KIF25: variants seen among roughly 807,000 people sequenced by gnomAD.
KIF25 encodes kinesin family member 25.
In KIF25, 19 loss-of-function variants were observed where a neutral mutation model predicts 32.9. The observed-to-expected ratio is 0.58, with a 90% CI of 0.40 to 0.85. The LOEUF (loss-of-function observed/expected upper bound fraction) is 0.85, where lower values mean the gene tolerates loss of function less well. KIF25 is among the 40% of genes least tolerant of loss of function. The pLI, the probability that KIF25 is intolerant of heterozygous loss-of-function variation, is 0.00. For synonymous variants in KIF25, 225 were observed against 213.7 expected (o/e 1.05, Z -0.46); for missense variants, 485 against 507.0 (o/e 0.96, Z 0.42).
intron 10 of KIF25, among the ~76,000 whole-genome samples, 174 bp from the exon 11 acceptor site, chr6:168,041,795 C>T (rs4708629): frequency 0.58 from 87,603 of 152,080 alleles, 25,248 homozygotes; most frequent in Non-Finnish European, 0.61. Flanking sequence ...CTTGTGTTTT[C>T]CCCCAGAGAA....
Position 168,042,707 on chromosome 6 carries a change from G to T in KIF25, c.976G>T (p.Asp326Tyr). Residue 326 changes from aspartate (D) to tyrosine (Y), a missense_variant, in exon 12 of 13, where the codon GAC becomes TAC. Coordinates refer to ENST00000643607, the MANE Select transcript of KIF25 (RefSeq NM_030615.4). ...CAGCAGGCTCACCCACCTCCTTCAG[G>T]ACTGCCTCGGTAACCGTTTTCCCCA... ...RNSRLTHLLQ[D>Y]CLGGDAKLLV... 6.2e-7 allele frequency: 1 copy of T among 1,610,546 alleles called. No homozygotes were observed. The highest frequency in any genetic ancestry group is 8.5e-7 in the Non-Finnish European group (1 of 1,179,192).
In KIF25 at chr6:168,030,795, C is replaced by G. The variant is rs149411206; in HGVS notation, c.115C>G (p.Gln39Glu). The change falls in exon 7 of 13, where the codon CAG becomes GAG. Residue 39 changes from glutamine to glutamate, a missense_variant. By Grantham distance (29) the Gln-to-Glu change is conservative (BLOSUM62 2). Transcript: ENST00000643607. The stretch of plus-strand genomic sequence containing the variant: ...CAGGGTTTATGGTCCAGCAGAGTCT[C>G]AGAGCGCGGTCTTTGGAGATGTGTG... ...DLRVYGPAES[Q>E]SAVFGDVCPL... 6.2e-7 allele frequency: 1 copy of G among 1,613,162 alleles called. No homozygotes were observed. Among genetic ancestry groups the G allele is most frequent in the South Asian group, 1.1e-5 (1 of 90,906 alleles).
At position 168,038,610 on chromosome 6, in the gene KIF25, T is replaced by G. The variant is rs149429830; in HGVS notation, c.375T>G (p.Val125=). Residue 125 remains valine (V), a synonymous_variant, in exon 9 of 13, where the codon GTT becomes GTG. Transcript: ENST00000643607. ...SPKVEVSIVE[V]YNNDIFDLLA... ...AGGTTGAAGTCTCCATAGTGGAAGT[T>G]TACAATAATGACATTTTTGACCTTC... The G allele has an allele frequency of 2.5e-3, 4,014 of 1,614,142 alleles. 10 individuals carry two copies. The highest frequency in any genetic ancestry group is 2.8e-3 in the Non-Finnish European group (3,333 of 1,180,008).
intron 5 of KIF25, among the ~76,000 whole-genome samples, chr6:168,022,723 G>A (rs1231465324): frequency 2.0e-5 from 3 of 150,282 alleles, no homozygotes; most frequent in Admixed American, 6.6e-5. Context: ...TTTTTACTGC[G>A]AACTTATCTT....
Position 168,006,228 on chromosome 6 carries a change from T to TG in KIF25, c.-163+2532dup, listed in dbSNP as rs563918422. ...TATTTCTTTTTTTTTTTTTTAGCGA[T>TG]GGGGGGGTCTCACTATGTTGCCCAG... On this transcript the variant is annotated intron_variant, in intron 4 of 12. Coordinates refer to ENST00000643607, the MANE Select transcript of KIF25 (RefSeq NM_030615.4). Among the ~76,000 whole-genome samples the TG allele has an allele frequency of 9.1e-3, 1,377 of 151,398 alleles. 21 individuals are homozygous for TG. Among genetic ancestry groups the TG allele is most frequent in the African/African-American group, 0.031 (1,285 of 41,196 alleles).
At chr6:168,019,140 AC>A (rs1182977356) in intron 5 of KIF25, among the ~76,000 whole-genome samples, 2 of 152,196 alleles carry the variant, frequency 1.3e-5, no homozygotes, top group African/African-American at 4.8e-5. Context: ...TTTCCAAGTA[AC>A]TGCTGGCATC....
chr6:167,999,712 C>T (rs1418434576), intron 2 of KIF25, among the ~76,000 whole-genome samples: 1 of 152,216 alleles, frequency 6.6e-6, no homozygotes, highest in Non-Finnish European at 1.5e-5. Flanking sequence ...AGACCACCCA[C>T]TCCGCCATGC....
intron 4 of KIF25, among the ~76,000 whole-genome samples, chr6:168,009,454 G>T (rs906417075): frequency 1.3e-5 from 2 of 152,040 alleles, no homozygotes; most frequent in Non-Finnish European, 2.9e-5. Context: ...TTTTTGATGT[G>T]CTGTTCAATG....
chr6:168,020,274 C>A (rs981135066), intron 5 of KIF25, among the ~76,000 whole-genome samples: 1 of 152,112 alleles, frequency 6.6e-6, no homozygotes, highest in African/African-American at 2.4e-5. Flanking sequence ...AGATACAGGA[C>A]CAGCACCTCT....
chr6:168,044,606 C>T (rs113255646), intron 12 of KIF25, among the ~76,000 whole-genome samples: 7,202 of 150,452 alleles, frequency 0.048, 290 homozygotes, highest in African/African-American at 0.11. Context: ...TGCTAGTGAC[C>T]GGCTGCTGAC....
At chr6:168,029,721 C>T (rs775422410) in intron 6 of KIF25, 44 bp downstream of exon 6, 12 of 1,583,982 alleles carry the variant, frequency 7.6e-6, no homozygotes, top group Admixed American at 5.6e-5. Context: ...GGTCTGGAGC[C>T]GGGTGATGTG....
At chr6:168,017,289 TG>T (rs1303335451) in intron 4 of KIF25, among the ~76,000 whole-genome samples, 6 of 152,238 alleles carry the variant, frequency 3.9e-5, no homozygotes, top group Admixed American at 2.0e-4. Flanking sequence ...CCAGTGCCTC[TG>T]GGTTATTCGC....
chr6:168,016,404 C>T (rs951252637), intron 4 of KIF25, among the ~76,000 whole-genome samples: 8 of 152,246 alleles, frequency 5.3e-5, no homozygotes, highest in African/African-American at 1.4e-4. Flanking sequence ...TCCTGGTGGT[C>T]GTTTCTGTGC....
chr6:168,020,324 C>A (rs1180843125), intron 5 of KIF25, among the ~76,000 whole-genome samples: 1 of 152,098 alleles, frequency 6.6e-6, no homozygotes, highest in Non-Finnish European at 1.5e-5. Context: ...GAGTTCTGTG[C>A]CAGTGAAAAT....
chr6:168,037,418 C>T (rs1799039619), intron 8 of KIF25, among the ~76,000 whole-genome samples: 1 of 152,156 alleles, frequency 6.6e-6, no homozygotes, highest in Non-Finnish European at 1.5e-5. Flanking sequence ...TCAGAATAGC[C>T]TTAGGAACAA....
chr6:167,997,842 A>G lies in KIF25; in HGVS notation c.-1627A>G, dbSNP rs888080624. On this transcript the variant is annotated 5_prime_UTR_variant, in exon 1 of 13. Coordinates refer to ENST00000643607, the MANE Select transcript of KIF25 (RefSeq NM_030615.4). ...GTTGCACTTTGGCCAGTTTCTCCGAATTCCACCTGCCCGAGGCCCACGAAG... is the reference window on the plus strand; with the variant it reads ...GTTGCACTTTGGCCAGTTTCTCCGAGTTCCACCTGCCCGAGGCCCACGAAG... 1.3e-5 allele frequency among the ~76,000 whole-genome samples: 2 copies of G among 152,076 alleles called. No homozygotes were observed. The highest frequency in any genetic ancestry group is 4.8e-5 in the African/African-American group (2 of 41,374).
At chr6:168,033,284 G>A (rs989793120) in intron 7 of KIF25, among the ~76,000 whole-genome samples, 15 of 152,130 alleles carry the variant, frequency 9.9e-5, no homozygotes, top group Non-Finnish European at 2.2e-4. Flanking sequence ...AGGATCCCTT[G>A]AGTCCAGGAG....
Position 168,033,989 on chromosome 6 carries a change from G to T in KIF25, c.275G>T (p.Ser92Ile). Residue 92 changes from serine (S) to isoleucine (I), a missense_variant, in exon 8 of 13, where the codon AGT becomes ATT. Coordinates refer to ENST00000643607, the MANE Select transcript of KIF25 (RefSeq NM_030615.4). ...CCTGTTCTGCCGCTTGACCCACAGA[G>T]TGACTTAGGAATTATCCCTAGAGTG... ...DGPVLPLDPQ[S>I]DLGIIPRVAE... 6.2e-7 allele frequency: 1 copy of T among 1,614,188 alleles called. No individual in the cohort carries two copies. The highest frequency in any genetic ancestry group is 8.5e-7 in the Non-Finnish European group (1 of 1,180,042).
At chr6:168,005,085 G>A (rs1428257752) in intron 4 of KIF25, among the ~76,000 whole-genome samples, 1 of 152,112 alleles carries the variant, frequency 6.6e-6, no homozygotes, top group Non-Finnish European at 1.5e-5. Flanking sequence ...AGCCTGGTGT[G>A]CACGAGCCAC....
Sources: allele counts gnomAD v4.1 joint callset (sites outside exome capture counted in the v4.1 genomes callset), GRCh38; gene constraint gnomAD v4.1.1; transcripts MANE v1.5; gene names NCBI Gene and HGNC (gene_info 2026-07-23, HGNC 2026-07-21).